IBTK: variants seen among roughly 807,000 people sequenced by gnomAD.
The protein encoded by IBTK is inhibitor of Bruton tyrosine kinase, also known as BTK-binding protein.
In IBTK, 83 loss-of-function variants were observed where a neutral mutation model predicts 154.9. That is an observed-to-expected ratio of 0.54 (90% confidence interval 0.45 to 0.64). The LOEUF is 0.64. Ranked by LOEUF, IBTK falls within the 30% of genes least tolerant of loss-of-function variation. The probability of loss-of-function intolerance (pLI) is 0.00; values close to 1 mark genes in which losing one functional copy is unlikely to be tolerated. For synonymous variants in IBTK, 515 were observed against 536.1 expected, an observed-to-expected ratio of 0.96 and a Z score of 0.54; for missense variants, 1,332 against 1,584.6, an observed-to-expected ratio of 0.84 and a Z score of 2.71.
In IBTK at chr6:82,191,826, C is replaced by G. The variant is rs983631744; in HGVS notation, c.3392G>C (p.Ser1131Thr). The G allele has an allele frequency of 1.2e-6, 2 of 1,611,682 alleles. No homozygotes were observed. The highest frequency in any genetic ancestry group is 2.7e-5 in the African/African-American group (2 of 74,814). ...DLRTIMEIEE[S>T]RQKCGATPKS... ...TGGTGTAGCTCCACATTTTTGTCTA[C>G]TTTCTTCTATTTCCATGATAGTTCT... The change falls in exon 24 of 29, where the codon AGT becomes ACT. Residue 1131 changes from serine to threonine, a missense_variant. This residue lies in a region of IBTK where 1,134 missense variants were observed against 1,274.7 expected (regional missense o/e 0.89). Coordinates refer to ENST00000306270, the MANE Select transcript of IBTK (RefSeq NM_015525.4).
intron 8 of IBTK, among the ~76,000 whole-genome samples, chr6:82,222,522 G>T (rs969848576): frequency 6.6e-6 from 1 of 152,038 alleles, no homozygotes; most frequent in Non-Finnish European, 1.5e-5. Flanking sequence ...TCTGAAACCT[G>T]TCTATAGAAG....
intron 25 of IBTK, among the ~76,000 whole-genome samples, chr6:82,187,812 C>T (rs1296249475): frequency 6.6e-6 from 1 of 152,132 alleles, no homozygotes; most frequent in Non-Finnish European, 1.5e-5. Context: ...CATATTACTA[C>T]ATCTCCTTTA....
chr6:82,234,666 G>T (rs1770649905), intron 2 of IBTK, among the ~76,000 whole-genome samples: 1 of 151,744 alleles, frequency 6.6e-6, no homozygotes, highest in Admixed American at 6.6e-5. Context: ...CAAAAAGTCA[G>T]ATAATCAACC....
rs1769780560 is a variant in IBTK, at chr6:82,214,337, C to T, written c.2094G>A (p.Gln698=). The change falls in exon 12 of 29, where the codon CAG becomes CAA. Residue 698 remains glutamine (Q), a synonymous_variant. Transcript: ENST00000306270. The part of the protein sequence containing the change: ...SNQAQTVSER[Q]KSKPKSCKKG... ...TTTTACAAGATTTAGGTTTGCTCTT[C>T]TGCCTCTCACTAACTGTTTGAGCTT... The T allele has an allele frequency of 1.9e-6, 3 of 1,614,110 alleles. No individual in the cohort carries two copies. The highest frequency in any genetic ancestry group is 2.5e-6 in the Non-Finnish European group (3 of 1,179,996).
chr6:82,209,731 T>A (rs1769555275), intron 16 of IBTK, among the ~76,000 whole-genome samples: 1 of 152,232 alleles, frequency 6.6e-6, no homozygotes, highest in Non-Finnish European at 1.5e-5. Context: ...AATTTCTCGA[T>A]TTTTAAAAAG....
intron 1 of IBTK, among the ~76,000 whole-genome samples, chr6:82,247,349 A>G (rs1354795968): frequency 1.3e-5 from 2 of 152,192 alleles, no homozygotes; most frequent in African/African-American, 4.8e-5. Flanking sequence ...TCATTAGCTG[A>G]GGGGGGCGGT....
intron 9 of IBTK, among the ~76,000 whole-genome samples, chr6:82,219,529 A>G (rs1770012798): frequency 6.6e-6 from 1 of 151,918 alleles, no homozygotes; most frequent in Admixed American, 6.6e-5. Flanking sequence ...ACCTTTAAAT[A>G]TAATTTTTAA....
rs1271756821 is a variant in IBTK at position 82,171,532 on chromosome 6, A to T, written c.3955T>A (p.Leu1319Ile). The change falls in exon 29 of 29, where the codon TTA becomes ATA. Residue 1319 changes from leucine (L) to isoleucine (I), a missense_variant. Physicochemically the swap from Leu to Ile is conservative, Grantham distance 5. Coordinates refer to ENST00000306270, the MANE Select transcript of IBTK (RefSeq NM_015525.4). Reference protein sequence around the residue: ...IQIEEHAIQDLLVFYEAFGNP... With the variant: ...IQIEEHAIQDILVFYEAFGNP... ...CCAAATGCCTCATAGAAAACCAATA[A>T]ATCTTGTATGGCATGCTCCTCAATC... is the stretch of plus-strand genomic sequence containing the variant. 6.2e-7 allele frequency: 1 copy of T among 1,607,828 alleles called. No homozygotes were observed. The highest frequency in any genetic ancestry group is 8.5e-7 in the Non-Finnish European group (1 of 1,176,142).
chr6:82,196,471 T>C (rs538617195), intron 21 of IBTK, 25 bp from the exon 22 acceptor site: 46 of 1,522,748 alleles, frequency 3.0e-5, no homozygotes, highest in Non-Finnish European at 4.0e-5. Context: ...TAAAAAAAAT[T>C]AAACACATAT....
chr6:82,173,019 TGAGACAGAGTCTCAC>T lies in IBTK; in HGVS notation c.3797+333_3797+347del, dbSNP rs780751842. 57 of 96,836 alleles carry T rather than the reference TGAGACAGAGTCTCAC, an allele frequency of 5.9e-4. 3 individuals are homozygous for T. Among genetic ancestry groups the T allele is most frequent in the Non-Finnish European group, 7.3e-4 (29 of 39,456 alleles). 6.0% of individuals were successfully genotyped at this position (96,836 alleles called of 1,614,324 possible). On this transcript the variant is annotated intron_variant, in intron 27 of 28. Coordinates refer to ENST00000306270, the MANE Select transcript of IBTK (RefSeq NM_015525.4). ...TATTCTCTTTTTTTTTTTTTTTTTT[TGAGACAGAGTCTCAC>T]TGTGTCGCCCCGGCTGGAGTACAGT...
At chr6:82,181,366 A>G (rs1183785903) in intron 26 of IBTK, among the ~76,000 whole-genome samples, 3 of 152,250 alleles carry the variant, frequency 2.0e-5, no homozygotes, top group Admixed American at 1.3e-4. Flanking sequence ...AACAGAATCA[A>G]TGGATACCCA....
chr6:82,181,786 C>A (rs1254249797), intron 26 of IBTK, 93 bp downstream of exon 26: 2 of 840,902 alleles, frequency 2.4e-6, no homozygotes, highest in Non-Finnish European at 3.5e-6. Flanking sequence ...AAAAAATCTG[C>A]CTCATAAAGT....
At chr6:82,220,489 T>C (rs556996859) in intron 9 of IBTK, 101 bp downstream of exon 9, 18 of 1,224,738 alleles carry the variant, frequency 1.5e-5, no homozygotes, top group African/African-American at 7.7e-5. Context: ...TCAAAGTCAA[T>C]AGGAATTGTC....
At position 82,221,539 on chromosome 6, in the gene IBTK, C is replaced by T. The variant is rs554589928; in HGVS notation, c.1125-826G>A. 1.6e-4 allele frequency among the ~76,000 whole-genome samples: 25 copies of T among 152,256 alleles called. 1 individual carries two copies. In the East Asian group the frequency reaches 4.8e-3, roughly 29 times the overall value. On this transcript the variant is annotated intron_variant, in intron 8 of 28. Coordinates refer to ENST00000306270, the MANE Select transcript of IBTK (RefSeq NM_015525.4). The stretch of plus-strand genomic sequence containing the variant: ...TTAGCTACACATTTCATTATATCTG[C>T]ACATTTGATGTGCATAGCATTATGT...
chr6:82,205,145 TA>T, intron 16 of IBTK, 187 bp from the exon 17 acceptor site: 2 of 396,706 alleles, frequency 5.0e-6, no homozygotes, highest in Non-Finnish European at 9.0e-6. Context: ...TAATAAAAAG[TA>T]AATACATCAA....
chr6:82,181,332 C>A (rs1330024174), intron 26 of IBTK, among the ~76,000 whole-genome samples: 1 of 152,182 alleles, frequency 6.6e-6, no homozygotes, highest in Non-Finnish European at 1.5e-5. Flanking sequence ...TATACCCATA[C>A]AATGAAATAC....
At position 82,185,145 on chromosome 6, in the gene IBTK, G is replaced by A. The variant is rs118164636; in HGVS notation, c.3576-3117C>T. Among the ~76,000 whole-genome samples, 237 of 142,256 alleles carry A rather than the reference G, an allele frequency of 1.7e-3. 1 individual carries two copies. Among genetic ancestry groups the A allele is most frequent in the Non-Finnish European group, 2.0e-3 (129 of 65,374 alleles). 93.3% of individuals were successfully genotyped at this position (142,256 alleles called of 152,430 possible). A position where few individuals can be genotyped will look rare whatever the true frequency, so the allele number is the denominator to read the frequency against. ...CTGCAATGAGCCAAGATTGCGCCAC[G>A]GCACTGCAGCCTGGGCGACAGAGCA... On this transcript the variant is annotated intron_variant, in intron 25 of 28. Coordinates refer to ENST00000306270, the MANE Select transcript of IBTK (RefSeq NM_015525.4).
intron 25 of IBTK, among the ~76,000 whole-genome samples, chr6:82,182,546 T>C (rs1157875364): frequency 6.6e-6 from 1 of 151,986 alleles, no homozygotes; most frequent in Non-Finnish European, 1.5e-5. Context: ...ATGTGTTAAC[T>C]GAAGTCCCAG....
chr6:82,235,854 C>A (rs1192198546), intron 2 of IBTK, among the ~76,000 whole-genome samples: 1 of 151,920 alleles, frequency 6.6e-6, no homozygotes, highest in African/African-American at 2.4e-5. Context: ...CCTATTTGTT[C>A]ATTAATTTTT....
Sources: allele counts gnomAD v4.1 joint callset (sites outside exome capture counted in the v4.1 genomes callset), GRCh38; gene constraint gnomAD v4.1.1; regional missense constraint gnomAD v4.1.1; transcripts MANE v1.5; gene names NCBI Gene and HGNC (gene_info 2026-07-23, HGNC 2026-07-21).